FLT1: variants seen among roughly 807,000 people sequenced by gnomAD.
The protein encoded by FLT1 is fms related receptor tyrosine kinase 1, also known as vascular endothelial growth factor receptor 1.
FLT1 carries 49 observed loss-of-function variants against 156.3 expected under a neutral mutation model. The observed-to-expected ratio is 0.31, with a 90% CI of 0.25 to 0.40. FLT1 has a LOEUF of 0.40. Among genes scored for constraint, FLT1 ranks in the 10% least tolerant of loss-of-function variants. The pLI is 1.00. For synonymous variants in FLT1, 594 were observed against 583.8 expected, an observed-to-expected ratio of 1.02 and a Z score of -0.25; for missense variants, 1,322 against 1,637.2, an observed-to-expected ratio of 0.81 and a Z score of 3.32.
rs922077931 is a variant in FLT1, at chr13:28,427,421, G to T, written c.1277-103C>A. 34 of 1,096,502 alleles carry T rather than the reference G, an allele frequency of 3.1e-5. No individual in the cohort carries two copies. The African/African-American group carries it at 3.4e-4, about 11-fold the overall frequency. The allele number at this position is 1,096,502 out of a possible 1,614,324, so 67.9% of individuals were successfully genotyped here. A position where few individuals can be genotyped will look rare whatever the true frequency, so the allele number is the denominator to read the frequency against. On this transcript the variant is annotated intron_variant, in intron 9 of 29. Transcript: ENST00000282397. ...ACATTCTCACTGGCTTTGATGTCAG[G>T]GAAACAAACAAGAAACAAAAAAACA...
At chr13:28,482,949 C>T (rs1880945229) in intron 1 of FLT1, among the ~76,000 whole-genome samples, 3 of 152,180 alleles carry the variant, frequency 2.0e-5, no homozygotes, top group African/African-American at 7.2e-5. Flanking sequence ...CCACTTTTAG[C>T]TTGTACATCA....
At chr13:28,348,874 G>A (rs934028220) in intron 15 of FLT1, among the ~76,000 whole-genome samples, 4 of 150,362 alleles carry the variant, frequency 2.7e-5, no homozygotes, top group South Asian at 2.1e-4. Flanking sequence ...GTGCCACTGC[G>A]CCACTGCACT....
At chr13:28,368,363 G>C (rs1349088935) in intron 14 of FLT1, 4 of 921,646 alleles carry the variant, frequency 4.3e-6, no homozygotes, top group Non-Finnish European at 6.2e-6. Flanking sequence ...TCTTGGTCAG[G>C]CTGGTCTTGA....
chr13:28,402,622 T>A (rs917139409), intron 11 of FLT1, among the ~76,000 whole-genome samples: 9 of 152,072 alleles, frequency 5.9e-5, no homozygotes, highest in African/African-American at 2.2e-4. Context: ...ATTAAAAGTT[T>A]TTTCAGTGCA....
At chr13:28,367,703 T>C (rs1873350559) in intron 14 of FLT1, among the ~76,000 whole-genome samples, 1 of 152,016 alleles carries the variant, frequency 6.6e-6, no homozygotes, top group African/African-American at 2.4e-5. Flanking sequence ...TGCCTCCTGT[T>C]CCCCCCCACA....
In FLT1 at chr13:28,384,814, G is replaced by A. The variant is rs61763188; in HGVS notation, c.2116+71C>T. ...TCTATACATACTGGAAGCAGGTGAC[G>A]GGACTGTTAAGGGAAAGGGGGGCTG... On this transcript the variant is annotated intron_variant, in intron 14 of 29. Coordinates refer to ENST00000282397, the MANE Select transcript of FLT1 (RefSeq NM_002019.4). 1,758 of 1,437,032 alleles carry A rather than the reference G, an allele frequency of 1.2e-3. 23 individuals carry two copies. In the African/African-American group the frequency reaches 0.022, roughly 18 times the overall value. The allele number at this position is 1,437,032 out of a possible 1,614,324, so 89.0% of individuals were successfully genotyped here. A position where few individuals can be genotyped will look rare whatever the true frequency, so the allele number is the denominator to read the frequency against.
chr13:28,440,125 A>G (rs1217480912), intron 3 of FLT1, among the ~76,000 whole-genome samples: 1 of 152,084 alleles, frequency 6.6e-6, no homozygotes, highest in Non-Finnish European at 1.5e-5. Flanking sequence ...CCTAGCCCAC[A>G]TTAGGGACTT....
chr13:28,422,250 G>A (rs1318314325), intron 10 of FLT1, among the ~76,000 whole-genome samples: 5 of 152,194 alleles, frequency 3.3e-5, no homozygotes, highest in African/African-American at 1.2e-4. Flanking sequence ...ATTTTGACTA[G>A]TTATCACAGA....
intron 15 of FLT1, among the ~76,000 whole-genome samples, chr13:28,349,454 ACACACATG>A (rs1872672605): frequency 1.3e-5 from 2 of 148,946 alleles, no homozygotes; most frequent in African/African-American, 4.9e-5. Flanking sequence ...ACACACACAC[ACACACATG>A]CGCACACGCA....
intron 4 of FLT1, among the ~76,000 whole-genome samples, chr13:28,437,514 G>A (rs868053042): frequency 4.6e-5 from 7 of 152,130 alleles, no homozygotes; most frequent in African/African-American, 7.2e-5. Context: ...ACAGTTTTCC[G>A]TTTGGGGAGC....
intron 25 of FLT1, among the ~76,000 whole-genome samples, chr13:28,313,888 T>TA (rs779467248): frequency 8.5e-5 from 6 of 70,598 alleles, no homozygotes; most frequent in African/African-American, 1.7e-4. Flanking sequence ...TACAGGGAGG[T>TA]AAAAAAAAAA....
chr13:28,412,404 C>T (rs575976140), intron 10 of FLT1, among the ~76,000 whole-genome samples: 7 of 135,990 alleles, frequency 5.1e-5, no homozygotes, highest in Non-Finnish European at 7.9e-5. Flanking sequence ...TTCTTTCTTT[C>T]TTTCTTCTCT....
At chr13:28,445,269 G>T (rs148756438) in intron 3 of FLT1, among the ~76,000 whole-genome samples, 26 of 152,016 alleles carry the variant, frequency 1.7e-4, no homozygotes, top group African/African-American at 6.0e-4. Context: ...CTGAGGCAAG[G>T]GTTCAAGACC....
At position 28,429,719 on chromosome 13, in the gene FLT1, A is replaced by G. The variant is rs191309206; in HGVS notation, c.1106+331T>C. Among the ~76,000 whole-genome samples, 6 of 152,306 alleles carry G rather than the reference A, an allele frequency of 3.9e-5. 1 individual carries two copies. In the East Asian group the frequency reaches 9.6e-4, roughly 24 times the overall value. On this transcript the variant is annotated intron_variant, in intron 8 of 29. Coordinates refer to ENST00000282397, the MANE Select transcript of FLT1 (RefSeq NM_002019.4). ...GTTAATAGAGCATGTTACATATTCA[A>G]AATGCTTCCTAGTCATTGCTCAACA...
intron 3 of FLT1, among the ~76,000 whole-genome samples, chr13:28,452,390 G>A (rs1878997554): frequency 6.6e-6 from 1 of 152,144 alleles, no homozygotes; most frequent in African/African-American, 2.4e-5. Flanking sequence ...GAAATGAGAT[G>A]ATGTATGTAT....
At chr13:28,401,226 A>C (rs193213199) in intron 11 of FLT1, among the ~76,000 whole-genome samples, 116 of 152,268 alleles carry the variant, frequency 7.6e-4, no homozygotes, top group Non-Finnish European at 1.3e-3. Context: ...AAATTAGACT[A>C]TCAAATTTTA....
At chr13:28,473,839 GAAGAAAGA>G (rs1301907665) in intron 1 of FLT1, among the ~76,000 whole-genome samples, 1 of 83,648 alleles carries the variant, frequency 1.2e-5, no homozygotes, top group African/African-American at 5.4e-5. Context: ...AGAAAGAAAG[GAAGAAAGA>G]AAGAAAGAAA....
intron 23 of FLT1, among the ~76,000 whole-genome samples, chr13:28,319,964 C>T (rs1263665879): frequency 1.3e-5 from 2 of 152,116 alleles, no homozygotes; most frequent in African/African-American, 4.8e-5. Context: ...TGCAAAAAGA[C>T]AAGATTTCCA....
intron 3 of FLT1, among the ~76,000 whole-genome samples, chr13:28,463,572 A>G (rs571949572): frequency 7.9e-5 from 12 of 152,366 alleles, no homozygotes; most frequent in Admixed American, 4.6e-4. Flanking sequence ...GAAATCCCCC[A>G]AACATATTCT....
Sources: allele counts gnomAD v4.1 joint callset (sites outside exome capture counted in the v4.1 genomes callset), GRCh38; gene constraint gnomAD v4.1.1; transcripts MANE v1.5; gene names NCBI Gene and HGNC (gene_info 2026-07-23, HGNC 2026-07-21).